Variants in DNAJC10 observed in about 807,000 individuals in gnomAD.
DNAJC10 encodes DnaJ heat shock protein family (Hsp40) member C10.
A neutral mutation model predicts 115.0 loss-of-function variants in DNAJC10; 101 were observed. That is an observed-to-expected ratio of 0.88 (90% CI 0.75 to 1.04). DNAJC10 has a LOEUF of 1.04. Ranked by LOEUF, DNAJC10 falls within the 50% of genes least tolerant of loss-of-function variation. DNAJC10 has a pLI of 0.00. For missense variants in DNAJC10, 981 were observed against 928.8 expected, an observed-to-expected ratio of 1.06 and a Z score of -0.73; for synonymous variants, 307 against 301.5, an observed-to-expected ratio of 1.02 and a Z score of -0.19.
In DNAJC10 at chr2:182,771,119, CAT is replaced by C. The variant is rs1449965385; in HGVS notation, c.2266-4194_2266-4193del. 2.6e-5 allele frequency among the ~76,000 whole-genome samples: 4 copies of C among 152,098 alleles called. No individual in the cohort carries two copies. The East Asian group carries it at 7.7e-4, about 29-fold the overall frequency. Reference sequence around the variant, plus strand: ...GTGAAGGATTACATTTATTGATTTGCATATGTTGAACCAGCCTTGCATCCCAG... The same window carrying C: ...GTGAAGGATTACATTTATTGATTTGCATGTTGAACCAGCCTTGCATCCCAG... On this transcript the variant is annotated intron_variant, in intron 22 of 23. Coordinates refer to ENST00000264065, the MANE Select transcript of DNAJC10 (RefSeq NM_018981.4).
intron 9 of DNAJC10, among the ~76,000 whole-genome samples, chr2:182,731,735 C>T (rs572750488): frequency 1.3e-5 from 2 of 152,300 alleles, no homozygotes; most frequent in African/African-American, 4.8e-5. Flanking sequence ...CATCTCTCAG[C>T]CTTCATGCTG....
At chr2:182,750,981 G>A (rs1261305357) in intron 14 of DNAJC10, among the ~76,000 whole-genome samples, 3 of 152,056 alleles carry the variant, frequency 2.0e-5, no homozygotes, top group Non-Finnish European at 4.4e-5. Flanking sequence ...TATGGGTTTT[G>A]AATTCATAAG....
At chr2:182,736,213 A>G (rs754158686) in intron 10 of DNAJC10, 36 bp from the exon 11 acceptor site, 33 of 1,532,870 alleles carry the variant, frequency 2.2e-5, no homozygotes, top group Middle Eastern at 3.4e-4. Flanking sequence ...TTTGCCTCCC[A>G]TTTACAACAT....
chr2:182,722,044 T>C lies in DNAJC10; in HGVS notation c.387T>C (p.Pro129=). Residue 129 remains proline, a synonymous_variant, in exon 5 of 24, where the codon CCT becomes CCC. Coordinates refer to ENST00000264065, the MANE Select transcript of DNAJC10 (RefSeq NM_018981.4). ...RYDFGIYDDD[P]EIITLERREF... ...AATTAGGTATTTATGATGATGATCC[T>C]GAAATCATAACATTGGAAAGAAGAG... is the stretch of plus-strand genomic sequence containing the variant. The C allele has an allele frequency of 1.3e-6, 2 of 1,554,780 alleles. No individual in the cohort carries two copies.
intron 3 of DNAJC10, among the ~76,000 whole-genome samples, chr2:182,719,245 G>GTTTTTTTT (rs1445121437): frequency 9.2e-6 from 1 of 109,282 alleles, no homozygotes; most frequent in African/African-American, 4.3e-5. Context: ...ATTTTGGATT[G>GTTTTTTTT]TTTTCTTTTT....
chr2:182,769,283 CAT>C (rs2105700662), intron 22 of DNAJC10, among the ~76,000 whole-genome samples: 1 of 152,246 alleles, frequency 6.6e-6, no homozygotes, highest in Non-Finnish European at 1.5e-5. Context: ...CTGCAGTAAA[CAT>C]ATGTGTGCAT....
rs1169640383 is a variant in DNAJC10, at chr2:182,791,267, A to G, written c.*14135A>G. ...TAACTAGTTGGCAACAAAAACTAGT[A>G]TGCCTTGGTGTGAATAAACCTTAAC... On this transcript the variant is annotated 3_prime_UTR_variant, in exon 24 of 24. Coordinates refer to ENST00000264065, the MANE Select transcript of DNAJC10 (RefSeq NM_018981.4). 1 of 152,192 alleles carries G rather than the reference A, an allele frequency of 6.6e-6. No individual in the cohort carries two copies. Among genetic ancestry groups the G allele is most frequent in the African/African-American group, 2.4e-5 (1 of 41,452 alleles). The allele number at this position is 152,192 out of a possible 1,614,324, so 9.4% of individuals were successfully genotyped here. A position where few individuals can be genotyped will look rare whatever the true frequency, so the allele number is the denominator to read the frequency against.
At chr2:182,760,679 C>T (rs559549996) in intron 21 of DNAJC10, among the ~76,000 whole-genome samples, 5 of 152,190 alleles carry the variant, frequency 3.3e-5, no homozygotes, top group African/African-American at 9.6e-5. Flanking sequence ...CTCCATAACT[C>T]GAGGAACTCT....
chr2:182,788,771 G>A lies in DNAJC10; in HGVS notation c.*11639G>A, dbSNP rs1433146308. ...AAACGGAAAGGTAGACTATTCAGAA[G>A]TTTTCTAAAATGGACTTCAAGCTCT... On this transcript the variant is annotated 3_prime_UTR_variant, in exon 24 of 24. Transcript: ENST00000264065. 6.6e-6 allele frequency: 3 copies of A among 452,178 alleles called. No homozygotes were observed. Among genetic ancestry groups the A allele is most frequent in the Non-Finnish European group, 1.3e-5 (3 of 225,794 alleles). 28.0% of individuals were successfully genotyped at this position (452,178 alleles called of 1,614,324 possible). A position where few individuals can be genotyped will look rare whatever the true frequency, so the allele number is the denominator to read the frequency against.
intron 23 of DNAJC10, 143 bp from the exon 24 acceptor site, chr2:182,776,978 A>G: frequency 2.1e-6 from 1 of 487,018 alleles, no homozygotes; most frequent in Non-Finnish European, 3.5e-6. Context: ...TTGGCAAAGT[A>G]TATTTCATGT....
At chr2:182,745,437 G>C (rs1459683396) in intron 14 of DNAJC10, among the ~76,000 whole-genome samples, 1 of 152,166 alleles carries the variant, frequency 6.6e-6, no homozygotes, top group East Asian at 1.9e-4. Context: ...ACTCCAAATT[G>C]CCTTTCAAAA....
At chr2:182,716,698 C>T (rs186553666) in intron 1 of DNAJC10, among the ~76,000 whole-genome samples, 45 of 152,350 alleles carry the variant, frequency 3.0e-4, no homozygotes, top group Non-Finnish European at 5.6e-4. Context: ...TACACTTTCT[C>T]CCTAAGTCCG....
At position 182,785,989 on chromosome 2, in the gene DNAJC10, A is replaced by T. The variant is rs1302902427; in HGVS notation, c.*8857A>T. The T allele has an allele frequency of 6.6e-6, 1 of 152,164 alleles. No homozygotes were observed. The highest frequency in any genetic ancestry group is 1.5e-5 in the Non-Finnish European group (1 of 68,014). 9.4% of individuals were successfully genotyped at this position (152,164 alleles called of 1,614,324 possible). A position where few individuals can be genotyped will look rare whatever the true frequency, so the allele number is the denominator to read the frequency against. ...AGAAACCAAAAAAAAGTGGGGAGATAATAATCCAGGGACTTTGGGTAGTTG... is the reference window on the plus strand; with the variant it reads ...AGAAACCAAAAAAAAGTGGGGAGATTATAATCCAGGGACTTTGGGTAGTTG... On this transcript the variant is annotated 3_prime_UTR_variant, in exon 24 of 24. Coordinates refer to ENST00000264065, the MANE Select transcript of DNAJC10 (RefSeq NM_018981.4).
At position 182,759,298 on chromosome 2, in the gene DNAJC10, C is replaced by G. The variant is rs780573524; in HGVS notation, c.2136C>G (p.Leu712=). 1 of 1,610,220 alleles carries G rather than the reference C, an allele frequency of 6.2e-7. No homozygotes were observed. The highest frequency in any genetic ancestry group is 2.2e-5 in the East Asian group (1 of 44,764). The part of the protein sequence containing the change: ...PCQNFAPEFE[L]LARMIKGKVK... ...AGAATTTTGCTCCAGAATTTGAGCT[C>G]TTGGCTAGGGTAAGTCATACCTGTC... Residue 712 remains leucine, a synonymous_variant, in exon 21 of 24, where the codon CTC becomes CTG. Transcript: ENST00000264065.
At chr2:182,718,645 A>T (rs1693062099) in intron 3 of DNAJC10, among the ~76,000 whole-genome samples, 1 of 152,350 alleles carries the variant, frequency 6.6e-6, no homozygotes, top group South Asian at 2.1e-4. Flanking sequence ...ATATTTTTTT[A>T]AAACTCAGAG....
At chr2:182,762,064 G>A (rs1574950995) in intron 21 of DNAJC10, among the ~76,000 whole-genome samples, 1 of 151,976 alleles carries the variant, frequency 6.6e-6, no homozygotes, top group South Asian at 2.1e-4. Context: ...ACTTACAGCA[G>A]TTTCAGCAGA....
chr2:182,777,123 T>C lies in DNAJC10; in HGVS notation c.2373T>C (p.Asp791=). The C allele has an allele frequency of 2.1e-6, 3 of 1,412,698 alleles. No homozygotes were observed. Among genetic ancestry groups the C allele is most frequent in the Non-Finnish European group, 2.9e-6 (3 of 1,049,352 alleles). The allele number at this position is 1,412,698 out of a possible 1,614,324, so 87.5% of individuals were successfully genotyped here. Reference sequence around the variant, plus strand: ...TCGCCTTTACATTATTATTATAGGATGAACTTTGATAATGTTGAAGATGAA... The same window carrying C: ...TCGCCTTTACATTATTATTATAGGACGAACTTTGATAATGTTGAAGATGAA... ...TLRNQGKRNK[D]EL is the part of the protein sequence containing the mutation. Residue 791 remains aspartate (D), a splice_region_variant and synonymous_variant, in exon 24 of 24, where the codon GAT becomes GAC. Transcript: ENST00000264065.
At chr2:182,739,557 G>C (rs1046271990) in intron 11 of DNAJC10, 1 of 1,221,590 alleles carries the variant, frequency 8.2e-7, no homozygotes, top group Admixed American at 2.6e-5. Flanking sequence ...GCTTCATTGA[G>C]AGAATCAGAC....
At chr2:182,732,359 G>A in intron 9 of DNAJC10, 140 bp from the exon 10 acceptor site, 1 of 762,830 alleles carries the variant, frequency 1.3e-6, no homozygotes. Context: ...TGTGTAGAAG[G>A]ATTTCCATAT....
Sources: gnomAD v4.1 joint callset for allele counts (sites outside exome capture counted in the v4.1 genomes callset) on GRCh38, gnomAD v4.1.1 for gene constraint, MANE v1.5 for transcripts, NCBI Gene and HGNC (gene_info 2026-07-23, HGNC 2026-07-21) for gene names.